BOC: variants seen among roughly 807,000 people sequenced by gnomAD.
BOC encodes the protein brother of CDO.
In BOC, 76 loss-of-function variants were observed where a neutral mutation model predicts 112.0. The ratio of observed to expected loss-of-function variants is 0.68; its 90% confidence interval spans 0.56 to 0.82. The LOEUF is 0.82. Ranked by LOEUF, BOC falls within the 40% of genes least tolerant of loss-of-function variation. The pLI is 0.00. For synonymous variants in BOC, 580 were observed against 599.8 expected (o/e 0.97, Z 0.48); for missense variants, 1,309 against 1,511.7 (o/e 0.87, Z 2.22).
chr3:113,236,266 GTATA>G lies in BOC; in HGVS notation c.-81-13451_-81-13448del, dbSNP rs1553726813. Reference sequence around the variant, plus strand: ...TGTGTGTGTGTGTGTGTGTGTGTGTGTATATATACCCATGGGTATATATATATAT... The same window carrying G: ...TGTGTGTGTGTGTGTGTGTGTGTGTGTATACCCATGGGTATATATATATAT... On this transcript the variant is annotated intron_variant, in intron 2 of 19. Coordinates refer to ENST00000682979, the MANE Select transcript of BOC (RefSeq NM_001378074.1). Among the ~76,000 whole-genome samples, 8 of 52,588 alleles carry G rather than the reference GTATA, an allele frequency of 1.5e-4. 1 individual carries two copies. The highest frequency in any genetic ancestry group is 3.7e-4 in the African/African-American group (6 of 16,150). The allele number at this position is 52,588 out of a possible 152,430, so 34.5% of individuals were successfully genotyped here.
intron 9 of BOC, among the ~76,000 whole-genome samples, chr3:113,277,371 G>A (rs3856718): frequency 0.21 from 31,442 of 152,158 alleles, 3,862 homozygotes; most frequent in East Asian, 0.44. Context: ...CTTGCTCTGA[G>A]TTACACAACC....
intron 6 of BOC, chr3:113,272,068 G>A (rs1056270221): frequency 8.8e-5 from 29 of 330,188 alleles, no homozygotes; most frequent in Admixed American, 5.1e-4. Flanking sequence ...CTGAGTGCAA[G>A]CAGAAAGAAA....
chr3:113,256,320 G>A (rs1946216784), intron 4 of BOC, among the ~76,000 whole-genome samples: 1 of 152,136 alleles, frequency 6.6e-6, no homozygotes, highest in South Asian at 2.1e-4. Context: ...CCATTCCTGT[G>A]ACTTTCTTAG....
intron 6 of BOC, chr3:113,271,267 A>T (rs1275007080): frequency 3.8e-6 from 2 of 522,982 alleles, no homozygotes; most frequent in African/African-American, 3.8e-5. Flanking sequence ...GTCTTGTCTC[A>T]AGCTCAGCAG....
chr3:113,218,106 G>A (rs1458455436), intron 2 of BOC, among the ~76,000 whole-genome samples: 4 of 152,184 alleles, frequency 2.6e-5, no homozygotes, highest in Non-Finnish European at 5.9e-5. Context: ...TTCCTTGACT[G>A]CTAAGAGGAA....
chr3:113,228,936 T>C (rs1942134196), intron 2 of BOC, among the ~76,000 whole-genome samples: 1 of 151,628 alleles, frequency 6.6e-6, no homozygotes. Context: ...GCTCCTCCGC[T>C]CCCATACATG....
At chr3:113,270,407 C>A in intron 5 of BOC, 1 of 184,508 alleles carries the variant, frequency 5.4e-6, no homozygotes, top group Non-Finnish European at 1.1e-5. Context: ...AATTAACTTG[C>A]CCAAGATCAC....
rs771210467 is a variant in BOC at position 113,286,698 on chromosome 3, G to T, written c.3184G>T (p.Val1062Leu). ...HSGPPCCLGL[V>L]PVEEVDSPDS... ...AGGGCCCCCATGCTGCTTGGGCCTT[G>T]TGCCAGTTGAAGAGGTGGACAGTCC... The change falls in exon 20 of 20, where the codon GTG (valine) becomes TTG (leucine). Residue 1062 changes from valine to leucine, a missense_variant. Physicochemically the swap from Val to Leu is conservative, Grantham distance 32 (BLOSUM62 1). Transcript: ENST00000682979. The T allele has an allele frequency of 1.9e-6, 3 of 1,600,974 alleles. No individual in the cohort carries two copies. The Admixed American group carries it at 5.2e-5, about 28-fold the overall frequency.
chr3:113,233,258 A>G (rs141914777), intron 2 of BOC, among the ~76,000 whole-genome samples: 86 of 150,972 alleles, frequency 5.7e-4, no homozygotes, highest in Middle Eastern at 3.4e-3. Context: ...AAGACAGGCC[A>G]AGATGCAGCA....
At chr3:113,218,454 A>G (rs1215023085) in intron 2 of BOC, among the ~76,000 whole-genome samples, 2 of 152,154 alleles carry the variant, frequency 1.3e-5, no homozygotes, top group East Asian at 3.9e-4. Flanking sequence ...TGTGACTATC[A>G]TTTCATAGTG....
intron 1 of BOC, among the ~76,000 whole-genome samples, chr3:113,214,092 G>A (rs1370691116): frequency 3.3e-5 from 5 of 152,230 alleles, no homozygotes; most frequent in Admixed American, 6.5e-5. Context: ...GGGAAAAGAG[G>A]TTGCTAGAAG....
upstream of BOC, among the ~76,000 whole-genome samples, chr3:113,211,319 G>A (rs1158473619): frequency 6.6e-6 from 1 of 152,156 alleles, no homozygotes; most frequent in Admixed American, 6.5e-5. Context: ...GTATGGGAAA[G>A]CAAAAGAAGT....
Position 113,270,907 on chromosome 3 carries a change from G to A in BOC, c.630G>A (p.Val210=), listed in dbSNP as rs201898084. 1.9e-6 allele frequency: 3 copies of A among 1,614,250 alleles called. No homozygotes were observed. Among genetic ancestry groups the A allele is most frequent in the Non-Finnish European group, 2.5e-6 (3 of 1,180,052 alleles). The stretch of plus-strand genomic sequence containing the variant: ...CCTACAACCCAGTGACCCAGGAAGT[G>A]AAAACCTCCGGCTCCAGCGACAGGC... ...CAAYNPVTQE[V]KTSGSSDRLR... Residue 210 remains valine (V), a synonymous_variant, in exon 6 of 20, where the codon GTG becomes GTA. Coordinates refer to ENST00000682979, the MANE Select transcript of BOC (RefSeq NM_001378074.1).
At chr3:113,279,195 T>C (rs975667650) in intron 11 of BOC, 54 bp from the exon 12 acceptor site, 15 of 1,571,266 alleles carry the variant, frequency 9.5e-6, no homozygotes, top group Admixed American at 5.0e-5. Context: ...CCCTGCTTCC[T>C]TCCTCACGTC....
chr3:113,242,069 T>C (rs994331455), intron 2 of BOC, among the ~76,000 whole-genome samples: 2 of 149,188 alleles, frequency 1.3e-5, no homozygotes, highest in Non-Finnish European at 3.0e-5. Flanking sequence ...ATAAAGCAGA[T>C]GGAATTCGTG....
upstream of BOC, chr3:113,211,404 T>G (rs967658330): frequency 1.3e-5 from 2 of 152,370 alleles, no homozygotes; most frequent in Admixed American, 6.5e-5. Flanking sequence ...TTTGGGGGAC[T>G]TTTTCCAGCT....
chr3:113,269,996 T>G (rs1237413719), intron 5 of BOC: 2 of 152,348 alleles, frequency 1.3e-5, no homozygotes, highest in African/African-American at 2.4e-5. Context: ...GCTGTGACTC[T>G]GCCTCCTAGC....
chr3:113,274,736 C>G lies in BOC; in HGVS notation c.1542+54C>G. 1.3e-6 allele frequency: 2 copies of G among 1,515,256 alleles called. No homozygotes were observed. Among genetic ancestry groups the G allele is most frequent in the Non-Finnish European group, 1.8e-6 (2 of 1,121,668 alleles). The allele number at this position is 1,515,256 out of a possible 1,614,324, so 93.9% of individuals were successfully genotyped here. On this transcript the variant is annotated intron_variant, in intron 9 of 19. Transcript: ENST00000682979. The surrounding 1 kb of genome is among the most constrained non-coding windows in gnomAD (Gnocchi z 4.8). ...CCCCTGCACAGCCTTTCCAGCAAGG[C>G]TGAGCAGAGTCACTGTCTCTTGGCC...
At chr3:113,232,183 C>T (rs186153656) in intron 2 of BOC, among the ~76,000 whole-genome samples, 246 of 152,236 alleles carry the variant, frequency 1.6e-3, no homozygotes, top group African/African-American at 5.3e-3. Context: ...GTGCCTGATC[C>T]AGCTGGCAAG....
Sources: gnomAD v4.1 joint callset for allele counts (sites outside exome capture counted in the v4.1 genomes callset) on GRCh38, gnomAD v4.1.1 for gene constraint, Gnocchi (gnomAD v3.1) non-coding constraint, MANE v1.5 for transcripts, NCBI Gene and HGNC (gene_info 2026-07-23, HGNC 2026-07-21) for gene names.